NEBL: variants seen among roughly 807,000 people sequenced by gnomAD.
The protein encoded by NEBL is LIM and SH3 protein 2.
Under a neutral mutation model 140.2 loss-of-function variants are expected in NEBL, and 122 were observed. That is an observed-to-expected ratio of 0.87 (90% CI 0.75 to 1.01). NEBL has a LOEUF of 1.01. Ranked by LOEUF, NEBL falls within the 50% of genes least tolerant of loss-of-function variation. The probability of loss-of-function intolerance (pLI) is 0.00; values close to 1 mark genes in which losing one functional copy is unlikely to be tolerated. For missense variants in NEBL, 1,365 were observed against 1,231.3 expected, an observed-to-expected ratio of 1.11 and a Z score of -1.62; for synonymous variants, 436 against 398.9, an observed-to-expected ratio of 1.09 and a Z score of -1.11.
At chr10:20,794,301 T>C (rs1836291997) in intron 26 of NEBL, among the ~76,000 whole-genome samples, 1 of 151,784 alleles carries the variant, frequency 6.6e-6, no homozygotes, top group Non-Finnish European at 1.5e-5. Flanking sequence ...ATCCTAATAA[T>C]CAATTCTCCT....
chr10:21,187,725 G>A (rs1422680516), intron 3 of NEBL, among the ~76,000 whole-genome samples: 1 of 151,978 alleles, frequency 6.6e-6, no homozygotes. Flanking sequence ...TGCTGCCCAG[G>A]CTAGTCTCAA....
intron 2 of NEBL, among the ~76,000 whole-genome samples, chr10:21,026,519 C>T (rs1833505796): frequency 1.3e-5 from 2 of 152,202 alleles, no homozygotes; most frequent in African/African-American, 2.4e-5. Flanking sequence ...ACCATGGCCC[C>T]TTAATCTTTT....
At chr10:21,117,687 T>A (rs2132035280) in intron 2 of NEBL, among the ~76,000 whole-genome samples, 1 of 152,236 alleles carries the variant, frequency 6.6e-6, no homozygotes, top group Non-Finnish European at 1.5e-5. Context: ...GTAATTTCAA[T>A]CCTTTTTACT....
At chr10:20,827,516 T>C (rs978270952) in intron 17 of NEBL, among the ~76,000 whole-genome samples, 1 of 152,246 alleles carries the variant, frequency 6.6e-6, no homozygotes, top group African/African-American at 2.4e-5. Context: ...CCTTAACTAT[T>C]AATGACTGAG....
At chr10:21,092,095 A>G (rs1349533023) in intron 2 of NEBL, among the ~76,000 whole-genome samples, 2 of 152,260 alleles carry the variant, frequency 1.3e-5, no homozygotes, top group African/African-American at 2.4e-5. Flanking sequence ...CTGATAATGG[A>G]AGAGTTCTGT....
At chr10:20,791,903 T>G (rs1836024272) in intron 26 of NEBL, among the ~76,000 whole-genome samples, 1 of 152,138 alleles carries the variant, frequency 6.6e-6, no homozygotes, top group African/African-American at 2.4e-5. Context: ...GTGCTTTGTA[T>G]GCCATCATTT....
At position 20,868,580 on chromosome 10, in the gene NEBL, T is replaced by A. The variant is rs1371564060; in HGVS notation, c.684+84A>T. Reference sequence around the variant, plus strand: ...CTGTTTATTCTTGCAATTAAAGATATTATCTAAAATGCAATATTCTCCTGT... The same window carrying A: ...CTGTTTATTCTTGCAATTAAAGATAATATCTAAAATGCAATATTCTCCTGT... On this transcript the variant is annotated intron_variant, in intron 7 of 27. Transcript: ENST00000377122. 5.3e-6 allele frequency: 5 copies of A among 937,394 alleles called. No homozygotes were observed. In the South Asian group the frequency reaches 6.5e-5, roughly 12 times the overall value. The allele number at this position is 937,394 out of a possible 1,614,324, so 58.1% of individuals were successfully genotyped here.
intron 2 of NEBL, among the ~76,000 whole-genome samples, chr10:21,091,082 T>C (rs1203042374): frequency 1.3e-5 from 2 of 152,096 alleles, no homozygotes; most frequent in Non-Finnish European, 2.9e-5. Context: ...CTCTCTCGGA[T>C]TCGTCTGTGT....
At chr10:21,164,671 G>T (rs1190258695) in intron 2 of NEBL, among the ~76,000 whole-genome samples, 1 of 152,170 alleles carries the variant, frequency 6.6e-6, no homozygotes, top group African/African-American at 2.4e-5. Context: ...AGTGTGGTTT[G>T]TAAATATGAT....
At chr10:21,021,496 T>A (rs965486782) in intron 2 of NEBL, among the ~76,000 whole-genome samples, 2 of 152,164 alleles carry the variant, frequency 1.3e-5, no homozygotes, top group Non-Finnish European at 2.9e-5. Context: ...GTCCCCTGAG[T>A]TCCCCCTTCT....
At chr10:20,948,772 A>G (rs897353713) in intron 4 of NEBL, among the ~76,000 whole-genome samples, 1 of 152,236 alleles carries the variant, frequency 6.6e-6, no homozygotes, top group Non-Finnish European at 1.5e-5. Context: ...GATTCGGGCC[A>G]CACTGATTCA....
At chr10:21,289,336 G>A (rs1843111530) in intron 1 of NEBL, among the ~76,000 whole-genome samples, 3 of 152,162 alleles carry the variant, frequency 2.0e-5, no homozygotes, top group Non-Finnish European at 2.9e-5. Flanking sequence ...CTGTCCAGAA[G>A]ACAAGCATGC....
chr10:21,209,143 G>A (rs1192266918), intron 3 of NEBL, among the ~76,000 whole-genome samples: 1 of 152,178 alleles, frequency 6.6e-6, no homozygotes, highest in East Asian at 1.9e-4. Context: ...ATTCCAGGCA[G>A]GGGAAAGGTG....
At chr10:21,138,043 C>T (rs1839437375) in intron 2 of NEBL, among the ~76,000 whole-genome samples, 2 of 151,880 alleles carry the variant, frequency 1.3e-5, no homozygotes, top group Non-Finnish European at 2.9e-5. Flanking sequence ...ATCGAGATTT[C>T]CAATGGTCAG....
At position 20,869,813 on chromosome 10, in the gene NEBL, G is replaced by A. The variant is rs1564404256; in HGVS notation, c.509C>T (p.Thr170Ile). 1 of 1,612,942 alleles carries A rather than the reference G, an allele frequency of 6.2e-7. No individual in the cohort carries two copies. The highest frequency in any genetic ancestry group is 8.5e-7 in the Non-Finnish European group (1 of 1,179,158). Residue 170 changes from threonine to isoleucine, a missense_variant, in exon 6 of 28, where the codon ACC (threonine) becomes ATC (isoleucine). Thr to Ile is a moderately conservative substitution (Grantham distance 89). Coordinates refer to ENST00000377122, the MANE Select transcript of NEBL (RefSeq NM_006393.3). ...NISYRKDVQDTHTYSAELDRP... is the reference protein window; with the variant it reads ...NISYRKDVQDIHTYSAELDRP... ...GTCAAGTTCTGCACTGTACGTGTGG[G>A]TGTCCTGCACGTCTTTCCTATAAGA...
chr10:20,873,963 A>T (rs1009987818), intron 5 of NEBL, among the ~76,000 whole-genome samples: 2 of 152,176 alleles, frequency 1.3e-5, no homozygotes, highest in African/African-American at 2.4e-5. Context: ...GGGCAAAGAA[A>T]TTATCATACT....
At chr10:20,863,137 C>T (rs1843899040) in intron 7 of NEBL, among the ~76,000 whole-genome samples, 1 of 152,010 alleles carries the variant, frequency 6.6e-6, no homozygotes, top group South Asian at 2.1e-4. Context: ...ATTGTAGCTC[C>T]CCATAACTGC....
chr10:21,157,440 C>T (rs1429235082), intron 2 of NEBL, among the ~76,000 whole-genome samples: 1 of 151,868 alleles, frequency 6.6e-6, no homozygotes, highest in Non-Finnish European at 1.5e-5. Context: ...TATGGTGGCA[C>T]GTGCCTGAAA....
chr10:21,091,390 G>A (rs1015861115), intron 2 of NEBL, among the ~76,000 whole-genome samples: 2 of 152,050 alleles, frequency 1.3e-5, no homozygotes, highest in African/African-American at 4.8e-5. Context: ...AAAGAATAAA[G>A]CATCAAGGAT....
Sources: allele counts gnomAD v4.1 joint callset (sites outside exome capture counted in the v4.1 genomes callset), GRCh38; gene constraint gnomAD v4.1.1; transcripts MANE v1.5; gene names NCBI Gene and HGNC (gene_info 2026-07-23, HGNC 2026-07-21).